The following SKIC3 variants were observed in gnomAD, a reference collection of about 807,000 sequenced individuals.
The protein encoded by SKIC3 is SKI3 subunit of superkiller complex, also known as superkiller complex protein 3.
At chr5:95,504,018 A>G in the SKIC3 span, 1 of 1,452,464 alleles carries the variant, frequency 6.9e-7, no homozygotes, top group Non-Finnish European at 9.3e-7. Context: ...ATATAATTAC[A>G]CTAAGTTGGG....
chr5:95,518,885 T>C, the SKIC3 span, among the ~76,000 whole-genome samples: 5 of 152,050 alleles, frequency 3.3e-5, no homozygotes, highest in Admixed American at 3.3e-4. Context: ...GAAAACTCCA[T>C]ACTGTTCTCC....
At chr5:95,537,213 T>C in the SKIC3 span, 4 of 1,244,690 alleles carry the variant, frequency 3.2e-6, no homozygotes, top group Non-Finnish European at 4.7e-6. Context: ...AAGACTCTCT[T>C]ACACAAACTA....
chr5:95,506,959 T>C, the SKIC3 span: 11 of 1,613,412 alleles, frequency 6.8e-6, no homozygotes, highest in South Asian at 3.3e-5. Flanking sequence ...TAATTTCTTA[T>C]TGCAACATTG....
At chr5:95,487,324 T>A in the SKIC3 span, among the ~76,000 whole-genome samples, 1 of 152,192 alleles carries the variant, frequency 6.6e-6, no homozygotes, top group Admixed American at 6.5e-5. Flanking sequence ...CTATTAGTTC[T>A]GTCCCTCTAG....
At chr5:95,551,392 A>T in the SKIC3 span, among the ~76,000 whole-genome samples, 1 of 152,202 alleles carries the variant, frequency 6.6e-6, no homozygotes, top group Non-Finnish European at 1.5e-5. Context: ...GCAGGTAGGG[A>T]TGAACAAGGA....
At chr5:95,482,964 T>A in the SKIC3 span, among the ~76,000 whole-genome samples, 3 of 152,076 alleles carry the variant, frequency 2.0e-5, no homozygotes, top group South Asian at 6.2e-4. Flanking sequence ...AATATAAAAT[T>A]AAGTGGGAAT....
chr5:95,529,472 C>G, the SKIC3 span: 1 of 325,182 alleles, frequency 3.1e-6, no homozygotes, highest in South Asian at 3.0e-5. Context: ...CTTACCAAGT[C>G]TTGCTAGGCC....
the SKIC3 span, chr5:95,513,377 ATT>A: frequency 1.9e-5 from 9 of 480,932 alleles, no homozygotes; most frequent in Non-Finnish European, 2.6e-5. Context: ...CTAATTTTTA[ATT>A]TTTTTTTTTA....
the SKIC3 span, among the ~76,000 whole-genome samples, chr5:95,477,853 A>T: frequency 7.9e-5 from 12 of 152,212 alleles, no homozygotes; most frequent in Admixed American, 5.9e-4. Context: ...TAAAACTTTC[A>T]GATTCATATA....
the SKIC3 span, chr5:95,543,464 T>C: frequency 1.0e-6 from 1 of 988,028 alleles, no homozygotes. Context: ...CCATTTAACC[T>C]ATCTGGTTTC....
At chr5:95,502,991 G>C in the SKIC3 span, 4 of 1,614,002 alleles carry the variant, frequency 2.5e-6, no homozygotes, top group Non-Finnish European at 2.5e-6. Context: ...AATAGACAAG[G>C]CTCTCTCATA....
At chr5:95,545,470 T>G in the SKIC3 span, among the ~76,000 whole-genome samples, 1 of 152,166 alleles carries the variant, frequency 6.6e-6, no homozygotes, top group Non-Finnish European at 1.5e-5. Context: ...TTGTGCCCTC[T>G]GGAACTCCCA....
At chr5:95,482,330 A>G in the SKIC3 span, 4 of 904,224 alleles carry the variant, frequency 4.4e-6, no homozygotes. Flanking sequence ...TCCTCTAACC[A>G]CAATACCTTT....
the SKIC3 span, among the ~76,000 whole-genome samples, chr5:95,526,841 T>G: frequency 2.4e-4 from 36 of 152,170 alleles, no homozygotes; most frequent in Admixed American, 2.4e-3. Context: ...TGCAAAATGG[T>G]GATTTTCTGT....
At chr5:95,478,371 T>C in the SKIC3 span, 34 of 1,613,926 alleles carry the variant, frequency 2.1e-5, no homozygotes, top group African/African-American at 1.3e-5. Flanking sequence ...GGGATGCCAA[T>C]TGTAGACTCT....
chr5:95,553,612 T>A, the SKIC3 span, among the ~76,000 whole-genome samples: 1 of 152,016 alleles, frequency 6.6e-6, no homozygotes, highest in Non-Finnish European at 1.5e-5. Flanking sequence ...CCAGGCGGAG[T>A]GCAAAGGTGC....
the SKIC3 span, among the ~76,000 whole-genome samples, chr5:95,515,352 G>C: frequency 6.6e-6 from 1 of 152,144 alleles, no homozygotes; most frequent in Non-Finnish European, 1.5e-5. Context: ...TGCTACCAGA[G>C]AAGGAGTGAT....
the SKIC3 span, among the ~76,000 whole-genome samples, chr5:95,501,164 G>C: frequency 2.0e-5 from 3 of 151,872 alleles, no homozygotes; most frequent in Non-Finnish European, 2.9e-5. Context: ...ACAAAAAAAA[G>C]GAATTCTACT....
chr5:95,517,146 C>A, the SKIC3 span: 3 of 1,613,358 alleles, frequency 1.9e-6, no homozygotes, highest in Non-Finnish European at 2.5e-6. Context: ...TGCAAATTAC[C>A]TTCCTCCAAG....
Sources: allele counts gnomAD v4.1 joint callset (sites outside exome capture counted in the v4.1 genomes callset), GRCh38; gene constraint gnomAD v4.1.1; transcripts MANE v1.5; gene names NCBI Gene and HGNC (gene_info 2026-07-23, HGNC 2026-07-21).